ZNF585A: variants seen among roughly 807,000 people sequenced by gnomAD.
ZNF585A encodes zinc finger protein 585A.
Under a neutral mutation model 14.9 loss-of-function variants are expected in ZNF585A, and 9 were observed. The observed-to-expected ratio is 0.60, with a 90% CI of 0.36 to 1.05. The LOEUF (loss-of-function observed/expected upper bound fraction) is 1.05, where lower values mean the gene tolerates loss of function less well. Ranked by LOEUF, ZNF585A falls within the 50% of genes least tolerant of loss-of-function variation. ZNF585A has a pLI of 0.01. For missense variants in ZNF585A, 726 were observed against 926.4 expected (o/e 0.78, Z 2.81); for synonymous variants, 276 against 319.9 (o/e 0.86, Z 1.46).
chr19:37,167,068 A>C (rs1239056059), intron 2 of ZNF585A, among the ~76,000 whole-genome samples: 1 of 151,810 alleles, frequency 6.6e-6, no homozygotes, highest in Non-Finnish European at 1.5e-5. Context: ...TCCTAAGCTC[A>C]AGCAATCCAC....
rs1328104633 is a variant in ZNF585A, at chr19:37,147,704, A to G, written c.*3885T>C. The G allele has an allele frequency of 6.6e-6, 1 of 152,232 alleles. No homozygotes were observed. The highest frequency in any genetic ancestry group is 1.5e-5 in the Non-Finnish European group (1 of 68,026). 9.4% of individuals were successfully genotyped at this position (152,232 alleles called of 1,614,324 possible). On this transcript the variant is annotated 3_prime_UTR_variant, in exon 5 of 5. Coordinates refer to ENST00000292841, the MANE Select transcript of ZNF585A (RefSeq NM_001288800.2). Reference sequence around the variant, plus strand: ...TACTGTAGACACAATTTTCTATAGTATGTAATGACAGGCACATATAAAATT... The same window carrying G: ...TACTGTAGACACAATTTTCTATAGTGTGTAATGACAGGCACATATAAAATT...
chr19:37,170,867 C>A (rs1431778905), intron 1 of ZNF585A, among the ~76,000 whole-genome samples: 1 of 152,184 alleles, frequency 6.6e-6, no homozygotes, highest in Non-Finnish European at 1.5e-5. Flanking sequence ...GTACTCAACA[C>A]CTCCCAGGCA....
intron 2 of ZNF585A, among the ~76,000 whole-genome samples, chr19:37,158,416 T>G (rs1010593793): frequency 5.3e-5 from 8 of 152,194 alleles, no homozygotes; most frequent in Non-Finnish European, 1.0e-4. Flanking sequence ...GGCATAGTAA[T>G]TAATTTCATT....
intron 2 of ZNF585A, among the ~76,000 whole-genome samples, chr19:37,166,312 C>T (rs1185926655): frequency 1.4e-5 from 2 of 144,048 alleles, no homozygotes; most frequent in East Asian, 4.1e-4. Flanking sequence ...CCATGCTGCC[C>T]AGTCTTTTTT....
rs202081603 is a variant in ZNF585A at position 37,151,026 on chromosome 19, C to CT, written c.*562dup. On this transcript the variant is annotated 3_prime_UTR_variant, in exon 5 of 5. Transcript: ENST00000292841. Reference sequence around the variant, plus strand: ...ACGTCTGTATACATAAAGGTTTTTTCTTTTTTTTTTTGTAGCATCTCTTTC... The same window carrying CT: ...ACGTCTGTATACATAAAGGTTTTTTCTTTTTTTTTTTTGTAGCATCTCTTTC... 0.035 allele frequency: 6,856 copies of CT among 195,378 alleles called. 20 individuals are homozygous for CT. The highest frequency in any genetic ancestry group is 0.062 in the East Asian group (569 of 9,250). The allele number at this position is 195,378 out of a possible 1,614,324, so 12.1% of individuals were successfully genotyped here.
intron 2 of ZNF585A, among the ~76,000 whole-genome samples, chr19:37,166,050 G>A (rs1014989828): frequency 1.6e-4 from 25 of 151,824 alleles, no homozygotes; most frequent in African/African-American, 4.1e-4. Context: ...GTCTTGCTCC[G>A]TCGCCCAGGC....
chr19:37,168,335 C>A (rs568940384), intron 2 of ZNF585A, among the ~76,000 whole-genome samples: 1 of 152,198 alleles, frequency 6.6e-6, no homozygotes, highest in Admixed American at 6.5e-5. Flanking sequence ...AGAAGCTAGC[C>A]TGGCAGGGGC....
intron 4 of ZNF585A, among the ~76,000 whole-genome samples, chr19:37,155,070 G>C (rs1003639437): frequency 1.6e-4 from 23 of 147,444 alleles, no homozygotes; most frequent in African/African-American, 5.8e-4. Flanking sequence ...GCGCGATCTC[G>C]GCTCACTGCA....
At position 37,149,524 on chromosome 19, in the gene ZNF585A, C is replaced by T. The variant is rs1327664498; in HGVS notation, c.*2065G>A. On this transcript the variant is annotated 3_prime_UTR_variant, in exon 5 of 5. Coordinates refer to ENST00000292841, the MANE Select transcript of ZNF585A (RefSeq NM_001288800.2). ...ATTAACAGGATGCTGTCATTGGGCC[C>T]TGCTGGCTTGGATCCCATCCATCAT... 1.3e-5 allele frequency: 2 copies of T among 152,152 alleles called. No individual in the cohort carries two copies. The highest frequency in any genetic ancestry group is 4.8e-5 in the African/African-American group (2 of 41,406). 9.4% of individuals were successfully genotyped at this position (152,152 alleles called of 1,614,324 possible). A position where few individuals can be genotyped will look rare whatever the true frequency, so the allele number is the denominator to read the frequency against.
At position 37,153,774 on chromosome 19, in the gene ZNF585A, G is replaced by A. The variant is rs1278320922; in HGVS notation, c.293-168C>T. Reference sequence around the variant, plus strand: ...GGGGTCTTTTGGGAGGAGAAATGATGTTTGGGTTCACATGAATTATTTTTC... The same window carrying A: ...GGGGTCTTTTGGGAGGAGAAATGATATTTGGGTTCACATGAATTATTTTTC... On this transcript the variant is annotated intron_variant, in intron 4 of 4. Transcript: ENST00000292841. Among the ~76,000 whole-genome samples the A allele has an allele frequency of 4.6e-5, 7 of 152,158 alleles. No individual in the cohort carries two copies. In the East Asian group the frequency reaches 1.3e-3, roughly 29 times the overall value.
At position 37,153,359 on chromosome 19, in the gene ZNF585A, A is replaced by G. The variant is rs1336073303; in HGVS notation, c.540T>C (p.His180=). ...KPEFIIHQKT[H]MREKPFKCNE... is the part of the protein sequence containing the mutation. ...TGCATTTAAAGGGTTTCTCTCTCATATGGGTTTTCTGGTGTATAATAAATT... is the reference window on the plus strand; with the variant it reads ...TGCATTTAAAGGGTTTCTCTCTCATGTGGGTTTTCTGGTGTATAATAAATT... Residue 180 remains histidine (H), a synonymous_variant, in exon 5 of 5, where the codon CAT becomes CAC. Transcript: ENST00000292841. 25 of 1,614,086 alleles carry G rather than the reference A, an allele frequency of 1.5e-5. No homozygotes were observed. Among genetic ancestry groups the G allele is most frequent in the Non-Finnish European group, 2.0e-5 (24 of 1,180,010 alleles).
In ZNF585A at chr19:37,151,225, G is replaced by A; in HGVS notation, c.*364C>T. On this transcript the variant is annotated 3_prime_UTR_variant, in exon 5 of 5. Coordinates refer to ENST00000292841, the MANE Select transcript of ZNF585A (RefSeq NM_001288800.2). Reference sequence around the variant, plus strand: ...ATTATGTTGTTTTATCATTCAATTTGTTGGCACTATACCTAATCCACAGTA... The same window carrying A: ...ATTATGTTGTTTTATCATTCAATTTATTGGCACTATACCTAATCCACAGTA... 1 of 412,812 alleles carries A rather than the reference G, an allele frequency of 2.4e-6. No individual in the cohort carries two copies. The highest frequency in any genetic ancestry group is 3.4e-5 in the East Asian group (1 of 29,246). The allele number at this position is 412,812 out of a possible 1,614,324, so 25.6% of individuals were successfully genotyped here.
chr19:37,155,910 C>A lies in ZNF585A; in HGVS notation c.247G>T (p.Glu83Ter). 1 of 1,612,652 alleles carries A rather than the reference C, an allele frequency of 6.2e-7. No individual in the cohort carries two copies. The highest frequency in any genetic ancestry group is 8.5e-7 in the Non-Finnish European group (1 of 1,180,020). The change falls in exon 4 of 5, where the codon GAA becomes TAA. Residue 83 changes from glutamate to a stop codon, truncating the protein, a stop_gained. Transcript: ENST00000292841. LOFTEE classifies it low-confidence loss of function (END_TRUNC). ...AEVVMLEQGK[E>*]PWALQGERPR... Reference sequence around the variant, plus strand: ...CTCTCACCCTGCAGTGCCCATGGTTCCTTTCCTTGCTCCAACATGACCACC... The same window carrying A: ...CTCTCACCCTGCAGTGCCCATGGTTACTTTCCTTGCTCCAACATGACCACC...
chr19:37,172,079 A>G (rs559549036), intron 1 of ZNF585A, among the ~76,000 whole-genome samples: 1 of 152,330 alleles, frequency 6.6e-6, no homozygotes, highest in South Asian at 2.1e-4. Context: ...ATGCTTAATT[A>G]ATATCTATAA....
Position 37,152,764 on chromosome 19 carries a change from C to T in ZNF585A, c.1135G>A (p.Glu379Lys). The change falls in exon 5 of 5, where the codon GAG (glutamate) becomes AAG (lysine). Residue 379 changes from glutamate to lysine, a missense_variant. Transcript: ENST00000292841. ...LIIHQRIHTG[E>K]KPYECSDCGK... ...CAGTCACTGCATTCATAAGGTTTCTCTCCAGTGTGAATTCTCTGATGAATA... is the reference window on the plus strand; with the variant it reads ...CAGTCACTGCATTCATAAGGTTTCTTTCCAGTGTGAATTCTCTGATGAATA... 6.2e-7 allele frequency: 1 copy of T among 1,614,206 alleles called. No homozygotes were observed. The highest frequency in any genetic ancestry group is 8.5e-7 in the Non-Finnish European group (1 of 1,180,032).
chr19:37,152,381 C>T lies in ZNF585A; in HGVS notation c.1518G>A (p.Arg506=). The T allele has an allele frequency of 1.2e-6, 2 of 1,613,940 alleles. No individual in the cohort carries two copies. Among genetic ancestry groups the T allele is most frequent in the Non-Finnish European group, 1.7e-6 (2 of 1,180,000 alleles). The change falls in exon 5 of 5, where the codon AGG becomes AGA. Residue 506 remains arginine (R), a synonymous_variant. Transcript: ENST00000292841. ...TTCTCTGATGTGTAATCAAGTCTGA[C>T]CTCTGGGTGAAGGCCTTTCCACATT... ...CSKCGKAFTQ[R]SDLITHQRIH...
intron 2 of ZNF585A, among the ~76,000 whole-genome samples, chr19:37,159,114 T>C (rs1472648136): frequency 6.6e-6 from 1 of 151,892 alleles, no homozygotes; most frequent in African/African-American, 2.4e-5. Flanking sequence ...CTGGGTGTGG[T>C]GGCACACACC....
At chr19:37,169,753 TC>T in intron 2 of ZNF585A, 85 bp downstream of exon 2, 2 of 1,530,732 alleles carry the variant, frequency 1.3e-6, no homozygotes, top group South Asian at 2.3e-5. Context: ...CCCAGCTCCC[TC>T]CCTCAGTCAT....
At chr19:37,170,082 T>A (rs1361958226) in intron 1 of ZNF585A, 28 bp from the exon 2 acceptor site, 2 of 668,932 alleles carry the variant, frequency 3.0e-6, no homozygotes, top group Admixed American at 5.8e-5. Context: ...CCATAGTCAG[T>A]CATTTCACAT....
Sources: gnomAD v4.1 joint callset for allele counts (sites outside exome capture counted in the v4.1 genomes callset) on GRCh38, gnomAD v4.1.1 for gene constraint, MANE v1.5 for transcripts, NCBI Gene and HGNC (gene_info 2026-07-23, HGNC 2026-07-21) for gene names.